JPH3: variants seen among roughly 807,000 people sequenced by gnomAD.
JPH3 encodes the protein junctophilin-3.
A neutral mutation model predicts 59.6 loss-of-function variants in JPH3; 11 were observed. The observed-to-expected ratio is 0.18, with a 90% CI of 0.12 to 0.31. The LOEUF is 0.31. Ranked by LOEUF, JPH3 falls within the 10% of genes least tolerant of loss-of-function variation. JPH3 has a pLI of 1.00. For synonymous variants in JPH3, 673 were observed against 483.6 expected, an observed-to-expected ratio of 1.39 and a Z score of -5.14; for missense variants, 1,202 against 1,105.7, an observed-to-expected ratio of 1.09 and a Z score of -1.24.
intron 1 of JPH3, among the ~76,000 whole-genome samples, chr16:87,613,355 T>C (rs2030809590): frequency 6.6e-6 from 1 of 151,508 alleles, no homozygotes; most frequent in East Asian, 1.9e-4. Flanking sequence ...CGCCTCGGCC[T>C]CCCAAAGTGC....
chr16:87,641,887 T>C (rs1439008034), intron 1 of JPH3, among the ~76,000 whole-genome samples: 1 of 152,132 alleles, frequency 6.6e-6, no homozygotes, highest in African/African-American at 2.4e-5. Context: ...TTCTGGAACA[T>C]CTAAGACCCC....
At chr16:87,639,962 G>A (rs973092748) in intron 1 of JPH3, among the ~76,000 whole-genome samples, 1 of 152,212 alleles carries the variant, frequency 6.6e-6, no homozygotes, top group Non-Finnish European at 1.5e-5. Context: ...AGCATCCCTT[G>A]ATGGAGGAGG....
chr16:87,678,510 G>T (rs1171423494), intron 2 of JPH3, among the ~76,000 whole-genome samples: 1 of 152,090 alleles, frequency 6.6e-6, no homozygotes, highest in Admixed American at 6.6e-5. Flanking sequence ...CTGCACTCCA[G>T]TGTGGACAGC....
chr16:87,646,992 T>C (rs1407824193), intron 2 of JPH3, among the ~76,000 whole-genome samples: 1 of 152,136 alleles, frequency 6.6e-6, no homozygotes, highest in Non-Finnish European at 1.5e-5. Context: ...TGGACAGGGC[T>C]GGGGGCAGCA....
intron 2 of JPH3, among the ~76,000 whole-genome samples, chr16:87,674,572 C>G (rs180958903): frequency 1.3e-5 from 2 of 152,076 alleles, no homozygotes; most frequent in African/African-American, 4.8e-5. Flanking sequence ...CCCATTTGTG[C>G]GGCAAAAATA....
chr16:87,683,517 G>T (rs1346985012), intron 2 of JPH3, among the ~76,000 whole-genome samples: 2 of 151,980 alleles, frequency 1.3e-5, no homozygotes, highest in Non-Finnish European at 1.5e-5. Context: ...TGTTGTGCAG[G>T]CTGGTCTTGA....
intron 2 of JPH3, among the ~76,000 whole-genome samples, chr16:87,662,772 C>A (rs891981043): frequency 6.6e-6 from 1 of 152,236 alleles, no homozygotes; most frequent in Admixed American, 6.5e-5. Flanking sequence ...CCTCAGCCCC[C>A]ACGCAGGGTT....
At chr16:87,688,162 A>G (rs1431470134) in intron 3 of JPH3, among the ~76,000 whole-genome samples, 1 of 152,040 alleles carries the variant, frequency 6.6e-6, no homozygotes, top group Admixed American at 6.5e-5. Context: ...GAGTGACCAC[A>G]GAGAAGCAGT....
intron 2 of JPH3, among the ~76,000 whole-genome samples, chr16:87,657,170 C>G (rs920722601): frequency 1.3e-5 from 2 of 152,154 alleles, no homozygotes; most frequent in African/African-American, 4.8e-5. Flanking sequence ...TGTGGGTGAG[C>G]CCTGCTTCTC....
intron 1 of JPH3, among the ~76,000 whole-genome samples, chr16:87,635,611 C>A (rs149917133): frequency 1.3e-5 from 2 of 152,324 alleles, no homozygotes; most frequent in Non-Finnish European, 2.9e-5. Context: ...GCCATGCCAG[C>A]CTGGCAGAAC....
intron 2 of JPH3, among the ~76,000 whole-genome samples, chr16:87,653,366 C>T (rs985453900): frequency 6.6e-6 from 1 of 152,162 alleles, no homozygotes; most frequent in Non-Finnish European, 1.5e-5. Context: ...TTGCTGGCTG[C>T]AGGGTTCTCC....
In JPH3 at chr16:87,677,225, CAAA is replaced by C. The variant is rs59575544; in HGVS notation, c.1161-6908_1161-6906del. ...ACACACACACACACACACACACACACAAAAAAAAAAATTAGCCGGGTGTGGTGG... is the reference window on the plus strand; with the variant it reads ...ACACACACACACACACACACACACACAAAAAAAATTAGCCGGGTGTGGTGG... On this transcript the variant is annotated intron_variant, in intron 2 of 4. Transcript: ENST00000284262. Among the ~76,000 whole-genome samples the C allele has an allele frequency of 3.8e-4, 31 of 81,726 alleles. 1 individual carries two copies. Among genetic ancestry groups the C allele is most frequent in the East Asian group, 1.3e-3 (4 of 3,140 alleles). 53.6% of individuals were successfully genotyped at this position (81,726 alleles called of 152,430 possible).
rs952691672 is a variant in JPH3, at chr16:87,645,166, A to T, written c.1160+131A>T. ...TTGAGGCCTACACTGGTGTTTCTCA[A>T]ACTATGCCCCCATGGAACCCTAGGG... On this transcript the variant is annotated intron_variant, in intron 2 of 4. Coordinates refer to ENST00000284262, the MANE Select transcript of JPH3 (RefSeq NM_020655.4). The T allele has an allele frequency of 7.5e-6, 7 of 936,438 alleles. No individual in the cohort carries two copies. The Admixed American group carries it at 1.7e-4, about 23-fold the overall frequency. The allele number at this position is 936,438 out of a possible 1,614,324, so 58.0% of individuals were successfully genotyped here. A position where few individuals can be genotyped will look rare whatever the true frequency, so the allele number is the denominator to read the frequency against.
chr16:87,683,776 T>C (rs547321683), intron 2 of JPH3, among the ~76,000 whole-genome samples: 1 of 152,222 alleles, frequency 6.6e-6, no homozygotes, highest in Non-Finnish European at 1.5e-5. Flanking sequence ...CCAGCTAATT[T>C]TGTATTTTTG....
chr16:87,669,366 G>T (rs1209777841), intron 2 of JPH3, among the ~76,000 whole-genome samples: 1 of 152,212 alleles, frequency 6.6e-6, no homozygotes, highest in South Asian at 2.1e-4. Context: ...GAAAAGGAAG[G>T]AGACTTGGCC....
intron 4 of JPH3, among the ~76,000 whole-genome samples, chr16:87,691,302 G>A (rs540525243): frequency 2.1e-3 from 318 of 152,292 alleles, no homozygotes; most frequent in African/African-American, 7.2e-3. Context: ...AGGAATGAAG[G>A]GCTTTGGGAA....
chr16:87,683,731 C>G (rs1223545773), intron 2 of JPH3, among the ~76,000 whole-genome samples: 1 of 152,138 alleles, frequency 6.6e-6, no homozygotes, highest in South Asian at 2.1e-4. Flanking sequence ...CTCAGTGTCC[C>G]GAGTAGCTGG....
intron 3 of JPH3, among the ~76,000 whole-genome samples, chr16:87,686,997 C>A (rs1332936997): frequency 1.3e-5 from 2 of 152,204 alleles, no homozygotes; most frequent in Non-Finnish European, 2.9e-5. Context: ...TTGGGTGGCG[C>A]CCCGGAGCCT....
At chr16:87,681,883 C>T (rs985088831) in intron 2 of JPH3, among the ~76,000 whole-genome samples, 1 of 152,152 alleles carries the variant, frequency 6.6e-6, no homozygotes, top group African/African-American at 2.4e-5. Flanking sequence ...GGCTGAGCCT[C>T]GGATTCTCTG....
Sources: allele counts gnomAD v4.1 joint callset (sites outside exome capture counted in the v4.1 genomes callset), GRCh38; gene constraint gnomAD v4.1.1; transcripts MANE v1.5; gene names NCBI Gene and HGNC (gene_info 2026-07-23, HGNC 2026-07-21).